ZP3: variants seen among roughly 807,000 people sequenced by gnomAD.
ZP3 encodes the protein zona pellucida sperm-binding protein 3.
ZP3 carries 21 observed loss-of-function variants against 35.6 expected under a neutral mutation model. The observed-to-expected ratio is 0.59, with a 90% CI of 0.42 to 0.85. ZP3 has a LOEUF of 0.85. Among genes scored for constraint, ZP3 ranks in the 40% least tolerant of loss-of-function variants. The pLI is 0.00. For synonymous variants in ZP3, 207 were observed against 214.5 expected (o/e 0.96, Z 0.31); for missense variants, 437 against 536.5 (o/e 0.81, Z 1.83).
intron 1 of ZP3, among the ~76,000 whole-genome samples, chr7:76,398,331 A>G (rs1395179159): frequency 2.2e-5 from 3 of 137,274 alleles, no homozygotes; most frequent in Non-Finnish European, 3.1e-5. Flanking sequence ...TTTTTTTGAG[A>G]CAGGGTCTCA....
intron 1 of ZP3, among the ~76,000 whole-genome samples, chr7:76,402,563 C>T (rs1025278032): frequency 9.2e-5 from 14 of 152,192 alleles, no homozygotes; most frequent in Non-Finnish European, 1.5e-4. Context: ...AAGTGATCCT[C>T]CCGTCTCAGC....
intron 2 of ZP3, among the ~76,000 whole-genome samples, chr7:76,430,790 T>C (rs962753940): frequency 1.3e-5 from 2 of 152,180 alleles, no homozygotes; most frequent in Admixed American, 6.5e-5. Flanking sequence ...CAGGACATCA[T>C]GAGGGATGAG....
At chr7:76,433,189 T>A (rs1003927812) in intron 3 of ZP3, among the ~76,000 whole-genome samples, 159 bp downstream of exon 3, 3 of 148,748 alleles carry the variant, frequency 2.0e-5, no homozygotes, top group African/African-American at 7.5e-5. Flanking sequence ...AGTCTTGATC[T>A]GACCTCCAGG....
chr7:76,440,929 C>G (rs1186115375), intron 7 of ZP3, among the ~76,000 whole-genome samples: 2 of 151,962 alleles, frequency 1.3e-5, no homozygotes, highest in African/African-American at 2.4e-5. Flanking sequence ...CCCAGCACTT[C>G]GGGAGGCCAA....
upstream of ZP3, among the ~76,000 whole-genome samples, chr7:76,420,906 CGTGTGTGT>C (rs55828330): frequency 6.9e-5 from 10 of 144,586 alleles, no homozygotes; most frequent in Non-Finnish European, 1.2e-4. Flanking sequence ...TATATTTCCA[CGTGTGTGT>C]GTGTGTGTGT....
At chr7:76,432,818 C>A (rs1019027294) in intron 2 of ZP3, 109 bp from the exon 3 acceptor site, 9 of 878,364 alleles carry the variant, frequency 1.0e-5, no homozygotes, top group Admixed American at 2.4e-5. Context: ...CCTGGCTGGG[C>A]CATAGCTGAG....
chr7:76,405,271 T>TTA (rs1171830870), intron 1 of ZP3, among the ~76,000 whole-genome samples: 147 of 9,088 alleles, frequency 0.016, 3 homozygotes, highest in Admixed American at 0.02. Context: ...ACCCAGCTAA[T>TTA]TATATATATA....
chr7:76,400,379 G>A lies in ZP3; in HGVS notation c.-67+2582G>A, dbSNP rs866396771. 39 of 1,591,388 alleles carry A rather than the reference G, an allele frequency of 2.5e-5. No individual in the cohort carries two copies. In the African/African-American group the frequency reaches 3.5e-4, roughly 14 times the overall value. On this transcript the variant is annotated intron_variant, in intron 1 of 8. Transcript: ENST00000336517. ...TCGCTCAGCGCAGCTTCCTGCCCGC[G>A]GCACTCCACGTTGTCCAGCAGGATG...
Position 76,424,989 on chromosome 7 carries a change from A to AT in ZP3, c.26dup (p.Cys10LeufsTer7). On this transcript the variant is annotated frameshift_variant, in exon 1 of 8. Transcript: ENST00000394857. LOFTEE classifies it high-confidence loss of function. ...CATGGAGCTGAGCTATAGGCTCTTC[A>AT]TCTGCCTCCTGCTCTGGGGTAGTAC... 1 of 1,550,058 alleles carries AT rather than the reference A, an allele frequency of 6.5e-7. No homozygotes were observed. Among genetic ancestry groups the AT allele is most frequent in the Non-Finnish European group, 8.7e-7 (1 of 1,148,834 alleles).
At chr7:76,438,024 TTTCAAG>T (rs1326492238) in intron 5 of ZP3, among the ~76,000 whole-genome samples, 1 of 152,198 alleles carries the variant, frequency 6.6e-6, no homozygotes, top group Non-Finnish European at 1.5e-5. Flanking sequence ...ATTTACATGG[TTTCAAG>T]TTTCTCTGCT....
chr7:76,405,323 T>TTTTCTTTC (rs765504064), intron 1 of ZP3, among the ~76,000 whole-genome samples: 1,840 of 29,100 alleles, frequency 0.063, 353 homozygotes, highest in Non-Finnish European at 0.088. Context: ...ATATGTATTT[T>TTTTCTTTC]TTTCTTTCTT....
intron 2 of ZP3, among the ~76,000 whole-genome samples, chr7:76,429,838 C>T (rs1352604155): frequency 6.6e-6 from 1 of 152,158 alleles, no homozygotes; most frequent in Non-Finnish European, 1.5e-5. Flanking sequence ...AGGAGCCCAA[C>T]TGCAGCTTAG....
At chr7:76,420,558 T>G (rs1161670439), upstream of ZP3, among the ~76,000 whole-genome samples, 3 of 152,204 alleles carry the variant, frequency 2.0e-5, no homozygotes, top group East Asian at 5.8e-4. Flanking sequence ...CAATACAGTT[T>G]TGTTAATTTT....
At chr7:76,409,069 G>A (rs1416140273) in intron 1 of ZP3, among the ~76,000 whole-genome samples, 1 of 152,152 alleles carries the variant, frequency 6.6e-6, no homozygotes, top group Admixed American at 6.6e-5. Context: ...CACTCTAGGT[G>A]TGGTAGCTAT....
chr7:76,433,240 A>C (rs935493055), intron 3 of ZP3, among the ~76,000 whole-genome samples: 1 of 144,450 alleles, frequency 6.9e-6, no homozygotes, highest in East Asian at 2.1e-4. Context: ...TGCAGTCTCC[A>C]CCTCCTGGGG....
intron 1 of ZP3, among the ~76,000 whole-genome samples, chr7:76,408,748 G>A (rs1052699674): frequency 6.6e-6 from 1 of 152,154 alleles, no homozygotes; most frequent in Non-Finnish European, 1.5e-5. Context: ...TCACGCCCAA[G>A]GGAACACTGG....
rs770616035 is a variant in ZP3 at position 76,397,593 on chromosome 7, G to A, written c.-271G>A. Reference sequence around the variant, plus strand: ...CAGCCCAGGCTCTGGCAGGCTGCCAGGCGGGGCTCGCCGCCTTCGCAGTGC... The same window carrying A: ...CAGCCCAGGCTCTGGCAGGCTGCCAAGCGGGGCTCGCCGCCTTCGCAGTGC... On this transcript the variant is annotated 5_prime_UTR_variant, in exon 1 of 9. Transcript: ENST00000336517. 6 of 1,608,008 alleles carry A rather than the reference G, an allele frequency of 3.7e-6. No homozygotes were observed. In the South Asian group the frequency reaches 6.6e-5, roughly 18 times the overall value.
At chr7:76,425,323 C>T (rs755191822) in intron 1 of ZP3, 47 bp downstream of exon 1, 2 of 1,556,814 alleles carry the variant, frequency 1.3e-6, no homozygotes, top group Non-Finnish European at 1.7e-6. Flanking sequence ...ATGTTCGAGG[C>T]AGCCGGGTAT....
intron 1 of ZP3, among the ~76,000 whole-genome samples, chr7:76,411,303 A>T (rs1419491767): frequency 1.3e-5 from 2 of 152,138 alleles, no homozygotes; most frequent in African/African-American, 4.8e-5. Context: ...GTAGTGGCTC[A>T]TGCCTGTAAT....
Sources: gnomAD v4.1 joint callset for allele counts (sites outside exome capture counted in the v4.1 genomes callset) on GRCh38, gnomAD v4.1.1 for gene constraint, MANE v1.5 for transcripts, NCBI Gene and HGNC (gene_info 2026-07-23, HGNC 2026-07-21) for gene names.